Variants in ADAMTS3 observed in about 807,000 individuals in gnomAD.
The protein encoded by ADAMTS3 is A disintegrin and metalloproteinase with thrombospondin motifs 3.
ADAMTS3 carries 73 observed loss-of-function variants against 129.0 expected under a neutral mutation model. The observed-to-expected ratio is 0.57, with a 90% CI of 0.47 to 0.69. The LOEUF (loss-of-function observed/expected upper bound fraction) is 0.69, where lower values mean the gene tolerates loss of function less well. Among genes scored for constraint, ADAMTS3 ranks in the 30% least tolerant of loss-of-function variants. The pLI is 0.00. For missense variants in ADAMTS3, 1,457 were observed against 1,514.5 expected (o/e 0.96, Z 0.63); for synonymous variants, 477 against 510.8 (o/e 0.93, Z 0.89).
chr4:72,472,998 C>T (rs1218175918), intron 3 of ADAMTS3, among the ~76,000 whole-genome samples: 3 of 152,142 alleles, frequency 2.0e-5, no homozygotes, highest in South Asian at 2.1e-4. Context: ...ACCAAAGTAA[C>T]TTGGAACCCC....
chr4:72,436,175 G>A lies in ADAMTS3; in HGVS notation c.505-21204C>T, dbSNP rs541823101. Reference sequence around the variant, plus strand: ...TTTACAAGAAAAAAATCAAACAACCGCATCAAAAAGTGGGCAAAGGATATG... The same window carrying A: ...TTTACAAGAAAAAAATCAAACAACCACATCAAAAAGTGGGCAAAGGATATG... On this transcript the variant is annotated intron_variant, in intron 3 of 21. Coordinates refer to ENST00000286657, the MANE Select transcript of ADAMTS3 (RefSeq NM_014243.3). Among the ~76,000 whole-genome samples, 37 of 150,426 alleles carry A rather than the reference G, an allele frequency of 2.5e-4. 1 individual carries two copies. In the South Asian group the frequency reaches 7.8e-3, roughly 32 times the overall value.
chr4:72,332,917 T>C (rs1719887006), intron 5 of ADAMTS3, among the ~76,000 whole-genome samples: 1 of 152,104 alleles, frequency 6.6e-6, no homozygotes, highest in South Asian at 2.1e-4. Flanking sequence ...TAGCAAGAGA[T>C]ATATAAAATG....
At chr4:72,300,957 G>A (rs979148286) in intron 17 of ADAMTS3, among the ~76,000 whole-genome samples, 2 of 152,152 alleles carry the variant, frequency 1.3e-5, no homozygotes, top group African/African-American at 4.8e-5. Context: ...AAACTCATCA[G>A]ATACTCTATG....
chr4:72,329,461 G>T (rs111365191), intron 5 of ADAMTS3, among the ~76,000 whole-genome samples: 11 of 152,278 alleles, frequency 7.2e-5, no homozygotes, highest in African/African-American at 2.4e-4. Flanking sequence ...AACAGACATT[G>T]TCATTGCTAC....
intron 3 of ADAMTS3, among the ~76,000 whole-genome samples, chr4:72,490,121 A>G (rs1429599607): frequency 6.6e-6 from 1 of 151,864 alleles, no homozygotes; most frequent in Non-Finnish European, 1.5e-5. Context: ...AGTGATGTGG[A>G]GCACTTTTTC....
rs777373212 is a variant in ADAMTS3 at position 72,536,050 on chromosome 4, A to G, written c.504+12428T>C. On this transcript the variant is annotated intron_variant, in intron 3 of 21. Transcript: ENST00000286657. ...TTTCCTACAGCAGAGGTCATTTTCT[A>G]TATGGTTATTTGTGACATAGTGCAC... is the stretch of plus-strand genomic sequence containing the variant. Among the ~76,000 whole-genome samples the G allele has an allele frequency of 6.3e-4, 96 of 152,182 alleles. 2 individuals are homozygous for G. The highest frequency in any genetic ancestry group is 2.8e-4 in the Non-Finnish European group (19 of 68,030).
chr4:72,327,908 G>A (rs369058812), intron 5 of ADAMTS3, among the ~76,000 whole-genome samples: 5 of 152,142 alleles, frequency 3.3e-5, no homozygotes, highest in African/African-American at 9.7e-5. Flanking sequence ...TTGATGATCA[G>A]TATAACAGTA....
At chr4:72,450,547 G>A (rs905536148) in intron 3 of ADAMTS3, among the ~76,000 whole-genome samples, 2 of 151,672 alleles carry the variant, frequency 1.3e-5, no homozygotes, top group Admixed American at 6.6e-5. Context: ...TGTAGAGGTA[G>A]TTTTTACTTT....
chr4:72,445,638 C>T (rs945330119), intron 3 of ADAMTS3, among the ~76,000 whole-genome samples: 1 of 151,658 alleles, frequency 6.6e-6, no homozygotes, highest in Non-Finnish European at 1.5e-5. Flanking sequence ...ATTAGCTAAA[C>T]AAATGTATAT....
At chr4:72,510,968 A>G (rs1272119522) in intron 3 of ADAMTS3, among the ~76,000 whole-genome samples, 1 of 152,074 alleles carries the variant, frequency 6.6e-6, no homozygotes, top group Non-Finnish European at 1.5e-5. Context: ...CCAGAAACAA[A>G]TCCATACACA....
chr4:72,347,825 A>C (rs1293991899), intron 4 of ADAMTS3, among the ~76,000 whole-genome samples: 1 of 151,978 alleles, frequency 6.6e-6, no homozygotes, highest in Non-Finnish European at 1.5e-5. Flanking sequence ...GCTAGAAATT[A>C]AGGTTTTCTA....
At chr4:72,538,428 C>A (rs1721235202) in intron 3 of ADAMTS3, among the ~76,000 whole-genome samples, 1 of 151,822 alleles carries the variant, frequency 6.6e-6, no homozygotes, top group South Asian at 2.1e-4. Flanking sequence ...ATCCTCAAGA[C>A]AATCAGCAGA....
intron 3 of ADAMTS3, among the ~76,000 whole-genome samples, chr4:72,529,697 A>G (rs1318689600): frequency 8.3e-6 from 1 of 121,188 alleles, no homozygotes; most frequent in African/African-American, 3.1e-5. Flanking sequence ...TAAATAATAT[A>G]TATTAATATT....
intron 18 of ADAMTS3, among the ~76,000 whole-genome samples, chr4:72,296,431 C>T (rs1718810364): frequency 1.3e-5 from 2 of 151,970 alleles, no homozygotes; most frequent in African/African-American, 4.8e-5. Context: ...TACTGAGGGT[C>T]TCTCAAACAT....
chr4:72,306,121 A>G, intron 15 of ADAMTS3, 54 bp from the exon 16 acceptor site: 1 of 1,398,672 alleles, frequency 7.1e-7, no homozygotes, highest in Middle Eastern at 1.8e-4. Context: ...AAAAGCAACA[A>G]CCATGGTTAG....
intron 4 of ADAMTS3, among the ~76,000 whole-genome samples, chr4:72,347,912 A>G (rs1034690200): frequency 2.6e-5 from 4 of 151,868 alleles, no homozygotes; most frequent in Admixed American, 6.6e-5. Context: ...TACTTCCCTC[A>G]CTTTCCACCT....
chr4:72,373,184 G>A (rs114513482), intron 4 of ADAMTS3, among the ~76,000 whole-genome samples: 1,588 of 152,222 alleles, frequency 0.01, 38 homozygotes, highest in African/African-American at 0.036. Flanking sequence ...AACTTACACC[G>A]CATATATCAA....
At chr4:72,518,378 T>C (rs1388761998) in intron 3 of ADAMTS3, among the ~76,000 whole-genome samples, 3 of 152,174 alleles carry the variant, frequency 2.0e-5, no homozygotes, top group Non-Finnish European at 2.9e-5. Flanking sequence ...CTGAGTTCAA[T>C]TCCTGGGTAT....
chr4:72,516,886 G>A (rs1270213144), intron 3 of ADAMTS3, among the ~76,000 whole-genome samples: 1 of 152,014 alleles, frequency 6.6e-6, no homozygotes, highest in South Asian at 2.1e-4. Flanking sequence ...GAATAGGAGT[G>A]GTGAGAGAGG....
Sources: allele counts gnomAD v4.1 joint callset (sites outside exome capture counted in the v4.1 genomes callset), GRCh38; gene constraint gnomAD v4.1.1; transcripts MANE v1.5; gene names NCBI Gene and HGNC (gene_info 2026-07-23, HGNC 2026-07-21).